Variants in ADRA1A observed in about 807,000 individuals in gnomAD.
ADRA1A encodes alpha-1A adrenergic receptor.
In ADRA1A, 31 loss-of-function variants were observed where a neutral mutation model predicts 29.6. The observed-to-expected ratio is 1.05, with a 90% CI of 0.79 to 1.41. ADRA1A has a LOEUF of 1.41. ADRA1A is among the 40% of genes most tolerant of loss of function. The probability of loss-of-function intolerance (pLI) is 0.00; values close to 1 mark genes in which losing one functional copy is unlikely to be tolerated. For synonymous variants in ADRA1A, 311 were observed against 254.3 expected (o/e 1.22, Z -2.12); for missense variants, 619 against 601.1 (o/e 1.03, Z -0.31).
At chr8:26,758,772 G>A (rs1391507641) in intron 2 of ADRA1A, among the ~76,000 whole-genome samples, 1 of 152,186 alleles carries the variant, frequency 6.6e-6, no homozygotes, top group Admixed American at 6.5e-5. Context: ...GTGAGCACAG[G>A]AGAACACCAG....
chr8:26,783,943 A>T (rs538116632), intron 2 of ADRA1A, among the ~76,000 whole-genome samples: 1 of 152,036 alleles, frequency 6.6e-6, no homozygotes, highest in African/African-American at 2.4e-5. Flanking sequence ...AAAACCAGAC[A>T]CCACATGTTC....
In ADRA1A at chr8:26,821,934, T is replaced by G. The variant is rs1033764472; in HGVS notation, c.883+42153A>C. ...AGAGAATGTTGCACATATCAATAGC[T>G]TGCTATTTTTTATTGCTAAGTAGGG... On this transcript the variant is annotated intron_variant, in intron 2 of 2. Transcript: ENST00000380573. The surrounding 1 kb of genome is among the most constrained non-coding windows in gnomAD (Gnocchi z 5.6). Among the ~76,000 whole-genome samples the G allele has an allele frequency of 2.0e-5, 3 of 152,228 alleles. No homozygotes were observed. Among genetic ancestry groups the G allele is most frequent in the Non-Finnish European group, 2.9e-5 (2 of 68,036 alleles).
intron 2 of ADRA1A, among the ~76,000 whole-genome samples, chr8:26,822,002 C>T (rs994679668): frequency 2.6e-5 from 4 of 152,146 alleles, no homozygotes; most frequent in Admixed American, 2.0e-4. Context: ...TGATGAATAT[C>T]TGGATTGTTT....
chr8:26,862,349 C>T (rs1240234057), intron 2 of ADRA1A, among the ~76,000 whole-genome samples: 1 of 152,204 alleles, frequency 6.6e-6, no homozygotes, highest in Non-Finnish European at 1.5e-5. Context: ...AAAGCAGGCC[C>T]TCATTGTCTT....
chr8:26,774,407 G>A (rs777039311), intron 2 of ADRA1A, among the ~76,000 whole-genome samples: 2 of 152,208 alleles, frequency 1.3e-5, no homozygotes, highest in African/African-American at 2.4e-5. Context: ...GGTGGCTCAC[G>A]CCTGTAATCA....
At chr8:26,784,541 G>GA (rs1807235281) in intron 2 of ADRA1A, among the ~76,000 whole-genome samples, 1 of 152,260 alleles carries the variant, frequency 6.6e-6, no homozygotes, top group African/African-American at 2.4e-5. Flanking sequence ...CTCACTCACA[G>GA]AAAAATGTTC....
chr8:26,773,417 T>C (rs1409702941), intron 2 of ADRA1A, among the ~76,000 whole-genome samples: 1 of 152,174 alleles, frequency 6.6e-6, no homozygotes, highest in Admixed American at 6.5e-5. Context: ...AACCTATATA[T>C]TGTCCAATAT....
rs946249489 is a variant in ADRA1A, at chr8:26,796,058, T to C, written c.884-25392A>G. ...TTTAGATATAATAGTATTATTGTTA[T>C]ACATTTCAAAAAAAGAGTAATGTTT... On this transcript the variant is annotated intron_variant, in intron 2 of 2. Coordinates refer to ENST00000380573, the MANE Select transcript of ADRA1A (RefSeq NM_000680.4). This position sits in a 1 kb window ranked among gnomAD's most constrained non-coding sequence, Gnocchi z 5.0. Among the ~76,000 whole-genome samples, 7 of 152,240 alleles carry C rather than the reference T, an allele frequency of 4.6e-5. No homozygotes were observed. The South Asian group carries it at 1.0e-3, about 22-fold the overall frequency.
At chr8:26,824,361 C>T (rs1170245534) in intron 2 of ADRA1A, among the ~76,000 whole-genome samples, 1 of 152,002 alleles carries the variant, frequency 6.6e-6, no homozygotes, top group Non-Finnish European at 1.5e-5. Flanking sequence ...CCGTGTCAGC[C>T]CTGTTGCATG....
chr8:26,814,462 A>C (rs75705595), intron 2 of ADRA1A, among the ~76,000 whole-genome samples: 1 of 152,082 alleles, frequency 6.6e-6, no homozygotes, highest in South Asian at 2.1e-4. Flanking sequence ...GGGTCTTGCT[A>C]TGTTGCCCAG....
rs912977742 is a variant in ADRA1A at position 26,805,388 on chromosome 8, A to G, written c.884-34722T>C. Among the ~76,000 whole-genome samples the G allele has an allele frequency of 2.6e-5, 4 of 152,218 alleles. No homozygotes were observed. Among genetic ancestry groups the G allele is most frequent in the African/African-American group, 9.6e-5 (4 of 41,466 alleles). ...GGGAATTATTCCCACTTTAAAGATGAAGCAAATCACTTGTCTACTACGCTA... is the reference window on the plus strand; with the variant it reads ...GGGAATTATTCCCACTTTAAAGATGGAGCAAATCACTTGTCTACTACGCTA... On this transcript the variant is annotated intron_variant, in intron 2 of 2. Coordinates refer to ENST00000380573, the MANE Select transcript of ADRA1A (RefSeq NM_000680.4). This position sits in a 1 kb window ranked among gnomAD's most constrained non-coding sequence, Gnocchi z 4.8.
rs1808935864 is a variant in ADRA1A, at chr8:26,805,865, C to T, written c.884-35199G>A. On this transcript the variant is annotated intron_variant, in intron 2 of 2. Transcript: ENST00000380573. This position sits in a 1 kb window ranked among gnomAD's most constrained non-coding sequence, Gnocchi z 4.8. Reference sequence around the variant, plus strand: ...TTGGCATTATTAACAGAGCCAAAGCCAAGTGACGTTGGCCCTTGATAAAGA... The same window carrying T: ...TTGGCATTATTAACAGAGCCAAAGCTAAGTGACGTTGGCCCTTGATAAAGA... Among the ~76,000 whole-genome samples, 2 of 152,156 alleles carry T rather than the reference C, an allele frequency of 1.3e-5. No individual in the cohort carries two copies. Among genetic ancestry groups the T allele is most frequent in the Non-Finnish European group, 2.9e-5 (2 of 68,038 alleles).
intron 2 of ADRA1A, among the ~76,000 whole-genome samples, chr8:26,749,365 A>G (rs1349555092): frequency 6.6e-6 from 1 of 152,222 alleles, no homozygotes; most frequent in Non-Finnish European, 1.5e-5. Context: ...TTTTATAAAG[A>G]TATTTATGCA....
At chr8:26,816,608 A>G (rs1327748766) in intron 2 of ADRA1A, among the ~76,000 whole-genome samples, 1 of 150,112 alleles carries the variant, frequency 6.7e-6, no homozygotes, top group Non-Finnish European at 1.5e-5. Flanking sequence ...GCACACGCCT[A>G]ACACACTGAG....
intron 2 of ADRA1A, among the ~76,000 whole-genome samples, chr8:26,778,402 A>T (rs963152941): frequency 3.3e-5 from 5 of 152,204 alleles, no homozygotes; most frequent in African/African-American, 1.2e-4. Flanking sequence ...GGAAGTCATC[A>T]TGTGCTTTTA....
intron 2 of ADRA1A, among the ~76,000 whole-genome samples, chr8:26,810,480 A>G (rs1360295287): frequency 1.3e-5 from 2 of 152,248 alleles, no homozygotes; most frequent in African/African-American, 4.8e-5. Flanking sequence ...AGAATTGTTC[A>G]AGGGTCTTAG....
Position 26,864,371 on chromosome 8 carries a change from A to G in ADRA1A, c.599T>C (p.Ile200Thr). The change falls in exon 2 of 3, where the codon ATC (isoleucine) becomes ACC (threonine). Residue 200 changes from isoleucine (I) to threonine (T), a missense_variant. Physicochemically the swap from Ile to Thr is moderately conservative, Grantham distance 89 (BLOSUM62 -1). Coordinates refer to ENST00000380573, the MANE Select transcript of ADRA1A (RefSeq NM_000680.4). The surrounding 1 kb of genome is among the most constrained non-coding windows in gnomAD (Gnocchi z 8.1). ...GTAGACGCGGCAGTACATGACCAGG[A>G]TGATGGCCAGAGGCAGGTAGAAGGA... is the stretch of plus-strand genomic sequence containing the variant. ...LGSFYLPLAIILVMYCRVYVV... is the reference protein window; with the variant it reads ...LGSFYLPLAITLVMYCRVYVV... 1.9e-6 allele frequency: 3 copies of G among 1,613,928 alleles called. No individual in the cohort carries two copies. The highest frequency in any genetic ancestry group is 2.5e-6 in the Non-Finnish European group (3 of 1,180,004).
At chr8:26,850,025 C>CAA (rs141672591) in intron 2 of ADRA1A, among the ~76,000 whole-genome samples, 16 of 121,586 alleles carry the variant, frequency 1.3e-4, no homozygotes, top group African/African-American at 4.8e-4. Context: ...GAGAGAAATG[C>CAA]AAAAACAAAA....
chr8:26,801,751 A>G (rs1808593656), intron 2 of ADRA1A, among the ~76,000 whole-genome samples: 1 of 152,050 alleles, frequency 6.6e-6, no homozygotes, highest in African/African-American at 2.4e-5. Context: ...AATAAATAAA[A>G]TTTATATGGA....
Sources: gnomAD v4.1 joint callset for allele counts (sites outside exome capture counted in the v4.1 genomes callset) on GRCh38, gnomAD v4.1.1 for gene constraint, Gnocchi (gnomAD v3.1) non-coding constraint, MANE v1.5 for transcripts, NCBI Gene and HGNC (gene_info 2026-07-23, HGNC 2026-07-21) for gene names.